DCC: variants seen among roughly 807,000 people sequenced by gnomAD.
The protein encoded by DCC is netrin receptor DCC.
Under a neutral mutation model 172.5 loss-of-function variants are expected in DCC, and 58 were observed. That is an observed-to-expected ratio of 0.34 (90% CI 0.27 to 0.42). DCC has a LOEUF of 0.42. Among genes scored for constraint, DCC ranks in the 10% least tolerant of loss-of-function variants. The probability of loss-of-function intolerance (pLI) is 1.00; values close to 1 mark genes in which losing one functional copy is unlikely to be tolerated. For synonymous variants in DCC, 709 were observed against 644.5 expected (o/e 1.10, Z -1.52); for missense variants, 1,740 against 1,791.0 (o/e 0.97, Z 0.51).
chr18:53,048,610 AAAT>A (rs1008770496), intron 5 of DCC, among the ~76,000 whole-genome samples: 2 of 150,982 alleles, frequency 1.3e-5, no homozygotes, highest in Non-Finnish European at 2.9e-5. Flanking sequence ...CATGTATAAA[AAAT>A]GTGATATATG....
intron 1 of DCC, among the ~76,000 whole-genome samples, chr18:52,545,095 T>A (rs1294600058): frequency 1.3e-5 from 2 of 152,202 alleles, no homozygotes; most frequent in Non-Finnish European, 2.9e-5. Flanking sequence ...GCAGGGAAGA[T>A]AAGATGCTCA....
intron 2 of DCC, among the ~76,000 whole-genome samples, chr18:52,856,774 C>G (rs4939707): frequency 0.44 from 66,467 of 151,902 alleles, 14,686 homozygotes; most frequent in South Asian, 0.55. Flanking sequence ...ATGTTAATAG[C>G]TTTGTTACAA....
At chr18:53,144,355 T>C (rs994357967) in intron 7 of DCC, among the ~76,000 whole-genome samples, 18 of 152,166 alleles carry the variant, frequency 1.2e-4, no homozygotes, top group African/African-American at 4.3e-4. Flanking sequence ...AAGACATACT[T>C]GAGACTGGGT....
At chr18:52,756,089 C>A (rs1047521176) in intron 2 of DCC, among the ~76,000 whole-genome samples, 2 of 152,214 alleles carry the variant, frequency 1.3e-5, no homozygotes, top group South Asian at 4.1e-4. Context: ...GTAAAGAATA[C>A]CTGGGCTATT....
chr18:53,107,216 A>C (rs1279373667), intron 7 of DCC, among the ~76,000 whole-genome samples: 22 of 151,842 alleles, frequency 1.4e-4, no homozygotes. Flanking sequence ...TGTAGAAGAA[A>C]AAGTCTAAGA....
rs1298668445 is a variant in DCC at position 53,140,642 on chromosome 18, G to A, written c.1262-16714G>A. ...CTCTCACACAGAGAAATATGCCGAAGTAGGGACACATTCAGGAAGGGAAAC... is the reference window on the plus strand; with the variant it reads ...CTCTCACACAGAGAAATATGCCGAAATAGGGACACATTCAGGAAGGGAAAC... On this transcript the variant is annotated intron_variant, in intron 7 of 28. Coordinates refer to ENST00000442544, the MANE Select transcript of DCC (RefSeq NM_005215.4). 2.0e-5 allele frequency among the ~76,000 whole-genome samples: 3 copies of A among 152,092 alleles called. No individual in the cohort carries two copies. In the East Asian group the frequency reaches 5.8e-4, roughly 29 times the overall value.
intron 5 of DCC, among the ~76,000 whole-genome samples, chr18:53,050,864 A>T (rs1168045692): frequency 6.6e-6 from 1 of 152,134 alleles, no homozygotes; most frequent in Non-Finnish European, 1.5e-5. Context: ...AAAGAGATAT[A>T]TCTATACTTG....
At chr18:53,352,369 G>A (rs888630912) in intron 15 of DCC, among the ~76,000 whole-genome samples, 1 of 152,066 alleles carries the variant, frequency 6.6e-6, no homozygotes. Context: ...CAATTGATTT[G>A]TGTGTTTTTC....
At chr18:53,005,710 A>G (rs1047352021) in intron 5 of DCC, among the ~76,000 whole-genome samples, 19 of 152,330 alleles carry the variant, frequency 1.2e-4, no homozygotes, top group Non-Finnish European at 1.0e-4. Flanking sequence ...CCTGGGTGAC[A>G]GAGTGAGATT....
At chr18:52,643,133 T>G (rs1412964144) in intron 1 of DCC, among the ~76,000 whole-genome samples, 1 of 152,112 alleles carries the variant, frequency 6.6e-6, no homozygotes, top group African/African-American at 2.4e-5. Context: ...GTTAAAAAGC[T>G]TCAAAAAAGG....
chr18:52,442,063 T>C (rs974979310), intron 1 of DCC, among the ~76,000 whole-genome samples: 3 of 152,200 alleles, frequency 2.0e-5, no homozygotes, highest in Admixed American at 6.5e-5. Flanking sequence ...CTTGGTATTA[T>C]ACTGTCCTTT....
At chr18:53,320,283 A>G (rs1320736828) in intron 13 of DCC, among the ~76,000 whole-genome samples, 1 of 152,064 alleles carries the variant, frequency 6.6e-6, no homozygotes, top group East Asian at 1.9e-4. Flanking sequence ...CGTGTTAGCC[A>G]GGATGGTCTC....
chr18:52,773,792 G>T (rs999073738), intron 2 of DCC, among the ~76,000 whole-genome samples: 7 of 152,180 alleles, frequency 4.6e-5, no homozygotes, highest in Non-Finnish European at 1.0e-4. Context: ...GCCTCCTAAA[G>T]TGCTGGGATT....
chr18:52,467,686 T>A (rs902358692), intron 1 of DCC, among the ~76,000 whole-genome samples: 6 of 152,200 alleles, frequency 3.9e-5, no homozygotes, highest in Non-Finnish European at 7.3e-5. Context: ...CGTTCCTGTT[T>A]CTCAACATCC....
At chr18:52,795,219 C>G (rs114678121) in intron 2 of DCC, among the ~76,000 whole-genome samples, 2,031 of 152,044 alleles carry the variant, frequency 0.013, 55 homozygotes, top group African/African-American at 0.046. Context: ...GTTCTTCATA[C>G]ATTTGATAAA....
In DCC at chr18:52,540,063, T is replaced by C. The variant is rs1166470728; in HGVS notation, c.91+199185T>C. Among the ~76,000 whole-genome samples, 3 of 152,278 alleles carry C rather than the reference T, an allele frequency of 2.0e-5. No individual in the cohort carries two copies. In the South Asian group the frequency reaches 6.2e-4, roughly 32 times the overall value. ...TTGATACAGTAGAATGATTCCTAGA[T>C]CATATCTCAATGTTGGGTTTTTTCA... On this transcript the variant is annotated intron_variant, in intron 1 of 28. Transcript: ENST00000442544.
At chr18:52,418,943 C>T (rs62083536) in intron 1 of DCC, among the ~76,000 whole-genome samples, 6,984 of 148,182 alleles carry the variant, frequency 0.047, 236 homozygotes, top group Non-Finnish European at 0.069. Flanking sequence ...TCACTGCAAC[C>T]TCTGCCTCCT....
At chr18:52,817,516 C>T (rs1192277295) in intron 2 of DCC, among the ~76,000 whole-genome samples, 1 of 152,014 alleles carries the variant, frequency 6.6e-6, no homozygotes, top group Non-Finnish European at 1.5e-5. Context: ...TTATTAGGTA[C>T]ATATTTTCAT....
chr18:53,040,815 C>T (rs1377985641), intron 5 of DCC, among the ~76,000 whole-genome samples: 3 of 151,780 alleles, frequency 2.0e-5, no homozygotes, highest in Admixed American at 2.0e-4. Flanking sequence ...GTCTGAAAAA[C>T]CCACCAGGGA....
Sources: gnomAD v4.1 joint callset for allele counts (sites outside exome capture counted in the v4.1 genomes callset) on GRCh38, gnomAD v4.1.1 for gene constraint, MANE v1.5 for transcripts, NCBI Gene and HGNC (gene_info 2026-07-23, HGNC 2026-07-21) for gene names.